Variants in USP3 observed in about 807,000 individuals in gnomAD.
The protein encoded by USP3 is ubiquitin specific peptidase 3, also known as ubiquitin carboxyl-terminal hydrolase 3.
In USP3, 20 loss-of-function variants were observed where a neutral mutation model predicts 72.3. The ratio of observed to expected loss-of-function variants is 0.28; its 90% CI spans 0.19 to 0.40. The LOEUF is 0.40. Ranked by LOEUF, USP3 falls within the 10% of genes least tolerant of loss-of-function variation. USP3 has a pLI of 1.00. For synonymous variants in USP3, 222 were observed against 225.3 expected (o/e 0.99, Z 0.13); for missense variants, 479 against 633.9 (o/e 0.76, Z 2.62).
chr15:63,522,350 C>T (rs918414518), intron 1 of USP3, among the ~76,000 whole-genome samples: 1 of 152,214 alleles, frequency 6.6e-6, no homozygotes, highest in African/African-American at 2.4e-5. Flanking sequence ...TCCCCTCAGC[C>T]TAGAGGTGGC....
intron 3 of USP3, among the ~76,000 whole-genome samples, chr15:63,538,695 G>A (rs1300891582): frequency 6.6e-6 from 1 of 151,838 alleles, no homozygotes; most frequent in Non-Finnish European, 1.5e-5. Flanking sequence ...ATAGGCACCT[G>A]CCACCACTCC....
At chr15:63,512,444 T>C (rs2065803505) in intron 1 of USP3, among the ~76,000 whole-genome samples, 1 of 151,780 alleles carries the variant, frequency 6.6e-6, no homozygotes, top group Non-Finnish European at 1.5e-5. Context: ...TTCTTCCTTC[T>C]TTTTCTTTCT....
chr15:63,589,531 T>G (rs2067144736), intron 14 of USP3, among the ~76,000 whole-genome samples: 1 of 152,184 alleles, frequency 6.6e-6, no homozygotes, highest in African/African-American at 2.4e-5. Flanking sequence ...CCCGCAGAGC[T>G]GTGATAAAGT....
At chr15:63,541,823 A>G (rs1320581709) in intron 3 of USP3, among the ~76,000 whole-genome samples, 2 of 152,140 alleles carry the variant, frequency 1.3e-5, no homozygotes, top group African/African-American at 4.8e-5. Flanking sequence ...CGTAAATATC[A>G]AAATGTCTTA....
intron 2 of USP3, among the ~76,000 whole-genome samples, chr15:63,536,532 A>G (rs1257247800): frequency 6.6e-6 from 1 of 152,126 alleles, no homozygotes; most frequent in Non-Finnish European, 1.5e-5. Context: ...ACCAATTTGC[A>G]TAGATTATGC....
At position 63,593,390 on chromosome 15, in the gene USP3, A is replaced by C. The variant is rs2067238879; in HGVS notation, c.*2564A>C. The C allele has an allele frequency of 6.6e-6, 1 of 152,208 alleles. No homozygotes were observed. The highest frequency in any genetic ancestry group is 1.5e-5 in the Non-Finnish European group (1 of 68,040). The allele number at this position is 152,208 out of a possible 1,614,324, so 9.4% of individuals were successfully genotyped here. On this transcript the variant is annotated 3_prime_UTR_variant, in exon 15 of 15. Coordinates refer to ENST00000380324, the MANE Select transcript of USP3 (RefSeq NM_006537.4). Reference sequence around the variant, plus strand: ...AGAAGGTAGACAGCTGTAACCTCTAACATTGATACTTCGATCTTCAGTCTC... The same window carrying C: ...AGAAGGTAGACAGCTGTAACCTCTACCATTGATACTTCGATCTTCAGTCTC...
At chr15:63,572,767 G>A (rs1346999763) in intron 9 of USP3, among the ~76,000 whole-genome samples, 2 of 152,218 alleles carry the variant, frequency 1.3e-5, no homozygotes, top group Non-Finnish European at 1.5e-5. Context: ...ATTGGCTCAA[G>A]TAACTCCGTA....
Position 63,593,608 on chromosome 15 carries a change from T to C in USP3, c.*2782T>C, listed in dbSNP as rs573554488. On this transcript the variant is annotated 3_prime_UTR_variant, in exon 15 of 15. Coordinates refer to ENST00000380324, the MANE Select transcript of USP3 (RefSeq NM_006537.4). ...CTCTGAATTTGTTTTTATTGGTTGG[T>C]TTTACTTGAACAGAAACGTTTGAAT... 1.3e-5 allele frequency: 2 copies of C among 152,348 alleles called. No homozygotes were observed. The highest frequency in any genetic ancestry group is 4.1e-4 in the South Asian group (2 of 4,826). 9.4% of individuals were successfully genotyped at this position (152,348 alleles called of 1,614,324 possible).
rs2066763875 is a variant in USP3, at chr15:63,570,608, G to A, written c.908+29G>A. Reference sequence around the variant, plus strand: ...AGATTTAGTTGCCTTCTGTTTTTTAGGAGGGCCTCAGACATTTCTTTTGGT... The same window carrying A: ...AGATTTAGTTGCCTTCTGTTTTTTAAGAGGGCCTCAGACATTTCTTTTGGT... On this transcript the variant is annotated intron_variant, in intron 9 of 14. Transcript: ENST00000380324. This position sits in a 1 kb window ranked among gnomAD's most constrained non-coding sequence, Gnocchi z 4.4. 2.5e-6 allele frequency: 4 copies of A among 1,589,716 alleles called. 1 individual carries two copies. The Admixed American group carries it at 7.0e-5, about 28-fold the overall frequency.
chr15:63,556,398 G>T (rs557500517), intron 4 of USP3: 2 of 309,842 alleles, frequency 6.5e-6, no homozygotes, highest in African/African-American at 2.1e-5. Context: ...GAGAGTGGTG[G>T]TGGGGAGTGT....
intron 6 of USP3, among the ~76,000 whole-genome samples, chr15:63,558,838 A>G (rs1337744242): frequency 6.6e-6 from 1 of 152,184 alleles, no homozygotes; most frequent in Non-Finnish European, 1.5e-5. Flanking sequence ...TGGCGCCACT[A>G]CACTCCAGCC....
At chr15:63,559,542 C>G (rs1487158404) in intron 6 of USP3, among the ~76,000 whole-genome samples, 1 of 152,126 alleles carries the variant, frequency 6.6e-6, no homozygotes, top group African/African-American at 2.4e-5. Flanking sequence ...TAACTGGAAA[C>G]AAGCAACCGA....
At chr15:63,559,629 CTTTGTTTTTTGTT>C (rs2066571346) in intron 6 of USP3, among the ~76,000 whole-genome samples, 1 of 152,032 alleles carries the variant, frequency 6.6e-6, no homozygotes, top group Non-Finnish European at 1.5e-5. Flanking sequence ...GTTTTCAGCT[CTTTGTTTTTTGTT>C]TTTGTTTTTT....
intron 14 of USP3, among the ~76,000 whole-genome samples, chr15:63,589,792 G>C (rs2067151548): frequency 6.7e-6 from 1 of 148,638 alleles, no homozygotes; most frequent in Non-Finnish European, 1.5e-5. Context: ...AATGATTTCT[G>C]TCTGTGTTTC....
At chr15:63,589,926 C>T (rs373122556) in intron 14 of USP3, among the ~76,000 whole-genome samples, 2 of 149,382 alleles carry the variant, frequency 1.3e-5, no homozygotes, top group South Asian at 2.1e-4. Flanking sequence ...ACAACTTTTT[C>T]GTAACAGCCT....
chr15:63,522,441 G>T (rs17765642), intron 1 of USP3, among the ~76,000 whole-genome samples: 1 of 152,092 alleles, frequency 6.6e-6, no homozygotes, highest in Non-Finnish European at 1.5e-5. Flanking sequence ...TTTTCTATGC[G>T]TGCCCTGACA....
chr15:63,576,034 T>TG (rs970247714), intron 11 of USP3, among the ~76,000 whole-genome samples: 11 of 149,820 alleles, frequency 7.3e-5, no homozygotes, highest in Admixed American at 6.1e-4. Context: ...TCGCCCAGGC[T>TG]GGAGTGCAGT....
intron 1 of USP3, among the ~76,000 whole-genome samples, chr15:63,514,521 A>G (rs558624648): frequency 3.2e-4 from 48 of 152,282 alleles, no homozygotes; most frequent in African/African-American, 1.1e-3. Flanking sequence ...TTAAAAGAAT[A>G]AAGAGTTTCC....
chr15:63,567,379 C>T (rs192031175), intron 8 of USP3, among the ~76,000 whole-genome samples: 26 of 136,906 alleles, frequency 1.9e-4, no homozygotes, highest in Admixed American at 8.7e-4. Flanking sequence ...CGGAGTCTCG[C>T]TCTGTTGCCC....
Sources: allele counts gnomAD v4.1 joint callset (sites outside exome capture counted in the v4.1 genomes callset), GRCh38; gene constraint gnomAD v4.1.1; non-coding constraint Gnocchi (gnomAD v3.1); transcripts MANE v1.5; gene names NCBI Gene and HGNC (gene_info 2026-07-23, HGNC 2026-07-21).